Variants in SOS2 observed in about 807,000 individuals in gnomAD.
SOS2 encodes son of sevenless homolog 2.
A neutral mutation model predicts 148.2 loss-of-function variants in SOS2; 65 were observed. The observed-to-expected ratio is 0.44, with a 90% CI of 0.36 to 0.54. The LOEUF (loss-of-function observed/expected upper bound fraction) is 0.54, where lower values mean the gene tolerates loss of function less well. Among genes scored for constraint, SOS2 ranks in the 20% least tolerant of loss-of-function variants. The pLI is 0.00. For missense variants in SOS2, 1,341 were observed against 1,590.2 expected (o/e 0.84, Z 2.67); for synonymous variants, 539 against 537.1 (o/e 1.00, Z -0.05).
At chr14:50,166,636 T>C (rs1292276200) in intron 8 of SOS2, among the ~76,000 whole-genome samples, 2 of 152,196 alleles carry the variant, frequency 1.3e-5, no homozygotes, top group African/African-American at 2.4e-5. Flanking sequence ...AGATTTTATA[T>C]TTCATGTAAG....
intron 1 of SOS2, among the ~76,000 whole-genome samples, chr14:50,209,304 T>TGTGTGTGTGTG (rs1886784969): frequency 6.6e-6 from 1 of 151,414 alleles, no homozygotes; most frequent in African/African-American, 2.4e-5. Flanking sequence ...TGTGTGTGTG[T>TGTGTGTGTGTG]GTGTGTGTGT....
chr14:50,203,623 T>C (rs755432582), intron 2 of SOS2, among the ~76,000 whole-genome samples: 113 of 151,948 alleles, frequency 7.4e-4, no homozygotes, highest in Non-Finnish European at 1.4e-3. Flanking sequence ...CACACATACA[T>C]ATACATTTTT....
intron 8 of SOS2, among the ~76,000 whole-genome samples, chr14:50,174,012 T>C (rs1475696282): frequency 6.6e-6 from 1 of 152,142 alleles, no homozygotes; most frequent in Non-Finnish European, 1.5e-5. Context: ...TAAAAATCCT[T>C]GCTACTAGGT....
At chr14:50,224,308 T>TACAC (rs1566487910) in intron 1 of SOS2, among the ~76,000 whole-genome samples, 3 of 68,980 alleles carry the variant, frequency 4.3e-5, no homozygotes, top group African/African-American at 1.8e-4. Context: ...AAAAAAAATA[T>TACAC]ATATATACAC....
chr14:50,209,279 G>A (rs1187604328), intron 1 of SOS2, among the ~76,000 whole-genome samples: 2 of 47,272 alleles, frequency 4.2e-5, no homozygotes, highest in Admixed American at 3.1e-4. Flanking sequence ...AATGTCGTGT[G>A]TGTGTGTGTG....
At chr14:50,169,129 T>C (rs1174031913) in intron 8 of SOS2, among the ~76,000 whole-genome samples, 1 of 151,524 alleles carries the variant, frequency 6.6e-6, no homozygotes, top group South Asian at 2.1e-4. Flanking sequence ...CTGACCAACA[T>C]GGTGAAACCC....
At chr14:50,162,237 G>A (rs748109056) in intron 8 of SOS2, among the ~76,000 whole-genome samples, 12 of 151,862 alleles carry the variant, frequency 7.9e-5, no homozygotes, top group South Asian at 2.1e-4. Flanking sequence ...CTGCAGCCTC[G>A]ATCTCCTGGG....
At chr14:50,185,827 A>G (rs543471070) in intron 5 of SOS2, among the ~76,000 whole-genome samples, 1 of 152,104 alleles carries the variant, frequency 6.6e-6, no homozygotes, top group Non-Finnish European at 1.5e-5. Context: ...TATTCTAGGC[A>G]CTCTTCTAAG....
At chr14:50,179,527 G>C (rs535321875) in intron 7 of SOS2, among the ~76,000 whole-genome samples, 1 of 151,876 alleles carries the variant, frequency 6.6e-6, no homozygotes, top group Non-Finnish European at 1.5e-5. Context: ...CACCACACTC[G>C]GCTAAGTTTT....
chr14:50,206,588 C>T lies in SOS2; in HGVS notation c.88-2179G>A, dbSNP rs536782688. On this transcript the variant is annotated intron_variant, in intron 1 of 22. Coordinates refer to ENST00000216373, the MANE Select transcript of SOS2 (RefSeq NM_006939.4). ...ACAAATGCAACCATCCATTATTTTCCCAAATACTGTTGATCTGAGGTTGGC... is the reference window on the plus strand; with the variant it reads ...ACAAATGCAACCATCCATTATTTTCTCAAATACTGTTGATCTGAGGTTGGC... Among the ~76,000 whole-genome samples, 6 of 152,164 alleles carry T rather than the reference C, an allele frequency of 3.9e-5. No homozygotes were observed. The South Asian group carries it at 1.0e-3, about 26-fold the overall frequency.
intron 12 of SOS2, among the ~76,000 whole-genome samples, chr14:50,155,429 C>G (rs1161786703): frequency 6.6e-6 from 1 of 152,062 alleles, no homozygotes; most frequent in African/African-American, 2.4e-5. Flanking sequence ...TTTGTTCATA[C>G]TATTTCTCAT....
chr14:50,182,388 C>T (rs1246778571), intron 6 of SOS2, 75 bp downstream of exon 6: 8 of 1,356,870 alleles, frequency 5.9e-6, no homozygotes, highest in Non-Finnish European at 8.4e-6. Context: ...CACTATGTTG[C>T]CAAGACTCAT....
At chr14:50,150,321 A>G in intron 13 of SOS2, 91 bp from the exon 14 acceptor site, 1 of 863,886 alleles carries the variant, frequency 1.2e-6, no homozygotes, top group Non-Finnish European at 1.9e-6. Flanking sequence ...CCCAGCCTCA[A>G]CAGTTACCAA....
At chr14:50,183,384 G>A (rs1209546570) in intron 5 of SOS2, among the ~76,000 whole-genome samples, 10 of 149,366 alleles carry the variant, frequency 6.7e-5, no homozygotes, top group African/African-American at 2.2e-4. Flanking sequence ...AGACTTGCTT[G>A]TACAAAAAAA....
Position 50,130,541 on chromosome 14 carries a change from G to A in SOS2, c.3297C>T (p.Asp1099=). ...PSTPPVSASS[D]LSVFLDVDLN... ...GATCCACATCTAAAAATACACTAAG[G>A]TCTGAAGAAGCAGATACTGGTGGAG... The change falls in exon 20 of 23, where the codon GAC becomes GAT. Residue 1099 remains aspartate, a synonymous_variant. Transcript: ENST00000216373. 1.2e-6 allele frequency: 2 copies of A among 1,613,874 alleles called. No individual in the cohort carries two copies. The highest frequency in any genetic ancestry group is 1.7e-6 in the Non-Finnish European group (2 of 1,179,822).
At chr14:50,204,984 G>A (rs758121998) in intron 1 of SOS2, among the ~76,000 whole-genome samples, 1 of 150,048 alleles carries the variant, frequency 6.7e-6, no homozygotes, top group Non-Finnish European at 1.5e-5. Context: ...TAATAATCCA[G>A]TCTGACTGGA....
chr14:50,143,359 A>G (rs1050252487), intron 16 of SOS2, among the ~76,000 whole-genome samples: 6 of 151,348 alleles, frequency 4.0e-5, no homozygotes, highest in African/African-American at 1.5e-4. Context: ...CAACAAAATG[A>G]AAACACCCTC....
intron 3 of SOS2, among the ~76,000 whole-genome samples, chr14:50,200,283 G>A (rs958771853): frequency 2.6e-5 from 4 of 151,884 alleles, no homozygotes; most frequent in African/African-American, 9.7e-5. Context: ...CGGGGCGGGG[G>A]GGGCTTGAAT....
chr14:50,172,184 T>C (rs1218897014), intron 8 of SOS2, among the ~76,000 whole-genome samples: 1 of 152,156 alleles, frequency 6.6e-6, no homozygotes, highest in Non-Finnish European at 1.5e-5. Context: ...TTAACTGCAT[T>C]TCCTTGACTA....
Sources: gnomAD v4.1 joint callset for allele counts (sites outside exome capture counted in the v4.1 genomes callset) on GRCh38, gnomAD v4.1.1 for gene constraint, MANE v1.5 for transcripts, NCBI Gene and HGNC (gene_info 2026-07-23, HGNC 2026-07-21) for gene names.